The following LRRC4C variants were observed in gnomAD, a reference collection of about 807,000 sequenced individuals.
LRRC4C encodes leucine-rich repeat-containing protein 4C.
In LRRC4C, 5 loss-of-function variants were observed where a neutral mutation model predicts 33.6. The ratio of observed to expected loss-of-function variants is 0.15; its 90% confidence interval spans 0.08 to 0.31. The LOEUF is 0.31. LRRC4C is among the 10% of genes least tolerant of loss of function. The pLI is 1.00. For missense variants in LRRC4C, 560 were observed against 796.7 expected (o/e 0.70, Z 3.58); for synonymous variants, 329 against 302.0 (o/e 1.09, Z -0.93).
intron 1 of LRRC4C, among the ~76,000 whole-genome samples, chr11:41,189,416 C>T (rs1945848265): frequency 6.6e-6 from 1 of 152,050 alleles, no homozygotes; most frequent in African/African-American, 2.4e-5. Context: ...GGCAATGTGA[C>T]TGGAAAATAG....
intron 1 of LRRC4C, among the ~76,000 whole-genome samples, chr11:40,999,125 G>A (rs1002449392): frequency 2.0e-5 from 3 of 152,008 alleles, no homozygotes; most frequent in Non-Finnish European, 4.4e-5. Flanking sequence ...CCCCTGCTGC[G>A]GTGCCTTTTC....
chr11:40,931,049 T>C (rs1957597378), intron 2 of LRRC4C, among the ~76,000 whole-genome samples: 1 of 152,162 alleles, frequency 6.6e-6, no homozygotes, highest in Admixed American at 6.6e-5. Context: ...AATGCAGCTG[T>C]AGGTAATTAC....
intron 3 of LRRC4C, among the ~76,000 whole-genome samples, chr11:40,468,130 A>C (rs1952745095): frequency 6.6e-6 from 1 of 152,160 alleles, no homozygotes; most frequent in Non-Finnish European, 1.5e-5. Flanking sequence ...TAAATTCTTC[A>C]TATTTATATA....
chr11:41,255,893 C>G (rs1338510776), intron 1 of LRRC4C, among the ~76,000 whole-genome samples: 1 of 151,858 alleles, frequency 6.6e-6, no homozygotes, highest in African/African-American at 2.4e-5. Flanking sequence ...AATCTGAATT[C>G]AGGTAGTCAA....
At chr11:41,421,462 A>G (rs1412934259) in intron 1 of LRRC4C, among the ~76,000 whole-genome samples, 1 of 152,052 alleles carries the variant, frequency 6.6e-6, no homozygotes, top group East Asian at 1.9e-4. Flanking sequence ...TATTTTTCTC[A>G]AACCTTCTGA....
At chr11:40,871,006 C>T (rs74465641) in intron 2 of LRRC4C, among the ~76,000 whole-genome samples, 2 of 152,022 alleles carry the variant, frequency 1.3e-5, no homozygotes, top group African/African-American at 4.8e-5. Context: ...GCCACTTCGG[C>T]GGGGCGGCCG....
intron 2 of LRRC4C, among the ~76,000 whole-genome samples, chr11:40,912,927 A>G (rs1343507055): frequency 1.3e-5 from 2 of 152,362 alleles, no homozygotes; most frequent in South Asian, 2.1e-4. Context: ...CTTTAAACTA[A>G]CAAAGATCAA....
intron 1 of LRRC4C, among the ~76,000 whole-genome samples, chr11:41,153,774 A>T (rs1381821572): frequency 6.6e-6 from 1 of 152,196 alleles, no homozygotes; most frequent in Admixed American, 6.5e-5. Context: ...ACTAGGTTCT[A>T]ATCCTTGGAA....
intron 3 of LRRC4C, among the ~76,000 whole-genome samples, chr11:40,454,499 A>G (rs1443624383): frequency 6.6e-6 from 1 of 151,900 alleles, no homozygotes; most frequent in Non-Finnish European, 1.5e-5. Context: ...CACTGCCTTT[A>G]TCTTATGGCA....
At chr11:40,883,245 A>C (rs1955273116) in intron 2 of LRRC4C, among the ~76,000 whole-genome samples, 2 of 152,000 alleles carry the variant, frequency 1.3e-5, no homozygotes, top group Non-Finnish European at 2.9e-5. Flanking sequence ...GCAACTCTAA[A>C]TTTTCAAAAA....
intron 4 of LRRC4C, among the ~76,000 whole-genome samples, chr11:40,312,590 C>A (rs980740767): frequency 1.3e-5 from 2 of 152,102 alleles, no homozygotes; most frequent in African/African-American, 2.4e-5. Flanking sequence ...GATTCCCAAC[C>A]CTTCATAGCA....
intron 2 of LRRC4C, among the ~76,000 whole-genome samples, chr11:40,663,925 C>T (rs1173127799): frequency 1.3e-5 from 2 of 152,058 alleles, no homozygotes; most frequent in African/African-American, 4.8e-5. Flanking sequence ...ATAAAGACAT[C>T]ATAGAGAATC....
At chr11:40,783,763 G>A (rs954695866) in intron 2 of LRRC4C, among the ~76,000 whole-genome samples, 4 of 152,110 alleles carry the variant, frequency 2.6e-5, no homozygotes, top group Non-Finnish European at 4.4e-5. Context: ...TTTAAGTATG[G>A]AGAACATAAG....
At chr11:40,473,731 A>C (rs1054937859) in intron 3 of LRRC4C, among the ~76,000 whole-genome samples, 1 of 152,218 alleles carries the variant, frequency 6.6e-6, no homozygotes, top group Non-Finnish European at 1.5e-5. Flanking sequence ...AATCTCCTTA[A>C]GCTGCCAAGC....
intron 2 of LRRC4C, among the ~76,000 whole-genome samples, chr11:40,797,556 C>A (rs10837504): frequency 0.3 from 45,950 of 151,940 alleles, 10,207 homozygotes; most frequent in African/African-American, 0.63. Context: ...ATATAGACTA[C>A]AGTGATAACT....
At chr11:40,873,546 T>C (rs1954749413) in intron 2 of LRRC4C, among the ~76,000 whole-genome samples, 1 of 152,130 alleles carries the variant, frequency 6.6e-6, no homozygotes, top group Non-Finnish European at 1.5e-5. Flanking sequence ...GGGTAAGACG[T>C]CTGGGACACT....
Position 40,884,728 on chromosome 11 carries a change from G to A in LRRC4C, c.-407+48907C>T, listed in dbSNP as rs1401063551. ...GATAATGATACTATAGACTAGATGT[G>A]TAAATGTATACAATACTTCGCAATT... On this transcript the variant is annotated intron_variant, in intron 2 of 6. Transcript: ENST00000528697. 2.0e-5 allele frequency among the ~76,000 whole-genome samples: 3 copies of A among 152,202 alleles called. No homozygotes were observed. The East Asian group carries it at 5.8e-4, about 29-fold the overall frequency.
At chr11:40,168,683 T>C (rs1859801395) in intron 5 of LRRC4C, among the ~76,000 whole-genome samples, 2 of 152,178 alleles carry the variant, frequency 1.3e-5, no homozygotes, top group South Asian at 4.1e-4. Flanking sequence ...TGCTAATTAA[T>C]GCCACTGACT....
chr11:41,063,864 T>C (rs1210729616), intron 1 of LRRC4C, among the ~76,000 whole-genome samples: 1 of 152,160 alleles, frequency 6.6e-6, no homozygotes, highest in Non-Finnish European at 1.5e-5. Context: ...AAAGTATCAA[T>C]CAGATCATAG....
Sources: allele counts gnomAD v4.1 joint callset (sites outside exome capture counted in the v4.1 genomes callset), GRCh38; gene constraint gnomAD v4.1.1; transcripts MANE v1.5; gene names NCBI Gene and HGNC (gene_info 2026-07-23, HGNC 2026-07-21).